Variants in GRIP2 observed in about 807,000 individuals in gnomAD.
GRIP2 encodes the protein glutamate receptor interacting protein 2.
A neutral mutation model predicts 108.3 loss-of-function variants in GRIP2; 58 were observed. The ratio of observed to expected loss-of-function variants is 0.54; its 90% CI spans 0.43 to 0.67. The LOEUF (loss-of-function observed/expected upper bound fraction) is 0.67, where lower values mean the gene tolerates loss of function less well. GRIP2 is among the 30% of genes least tolerant of loss of function. The pLI, the probability that GRIP2 is intolerant of heterozygous loss-of-function variation, is 0.00. For missense variants in GRIP2, 1,278 were observed against 1,430.6 expected (o/e 0.89, Z 1.72); for synonymous variants, 586 against 598.2 (o/e 0.98, Z 0.30).
chr3:14,574,355 C>T, the GRIP2 span: 2 of 971,946 alleles, frequency 2.1e-6, no homozygotes, highest in African/African-American at 1.6e-5. Flanking sequence ...CAGCGATGCG[C>T]TGGTTCCGCC....
At chr3:14,591,398 C>G in the GRIP2 span, among the ~76,000 whole-genome samples, 1 of 152,168 alleles carries the variant, frequency 6.6e-6, no homozygotes, top group African/African-American at 2.4e-5. Context: ...GAAATCCCCA[C>G]TCGGCCACTT....
chr3:14,506,745 C>A, intron 19 of GRIP2, 56 bp downstream of exon 19: 2 of 1,461,134 alleles, frequency 1.4e-6, no homozygotes, highest in Non-Finnish European at 1.8e-6. Context: ...ACAGGCCCAG[C>A]AGCAGGGGCG....
Position 14,510,325 on chromosome 3 carries a change from C to T in GRIP2, c.1934-361G>A, listed in dbSNP as rs112264720. Among the ~76,000 whole-genome samples, 674 of 147,254 alleles carry T rather than the reference C, an allele frequency of 4.6e-3. 5 individuals are homozygous for T. The highest frequency in any genetic ancestry group is 0.016 in the African/African-American group (640 of 40,032). On this transcript the variant is annotated intron_variant, in intron 16 of 23. Transcript: ENST00000621039. ...CTGCCCAGGCTGGAGTGCAATGGCA[C>T]GATCTCAGTTCACTGCCATACCTCT...
At chr3:14,510,250 C>G (rs1294746096) in intron 16 of GRIP2, among the ~76,000 whole-genome samples, 1 of 143,902 alleles carries the variant, frequency 6.9e-6, no homozygotes, top group African/African-American at 2.7e-5. Context: ...GAACCCCGAT[C>G]ATCCGTTGTT....
chr3:14,538,774 T>C (rs1694892971), intron 1 of GRIP2, among the ~76,000 whole-genome samples: 1 of 152,154 alleles, frequency 6.6e-6, no homozygotes. Flanking sequence ...AGCAGATTTG[T>C]GTTTTGGCAA....
the GRIP2 span, chr3:14,573,626 C>T: frequency 6.7e-7 from 1 of 1,500,016 alleles, no homozygotes; most frequent in Non-Finnish European, 9.2e-7. Flanking sequence ...TGCAGCAGGG[C>T]CGTCCTGTGA....
Position 14,490,853 on chromosome 3 carries a change from C to T in GRIP2, c.*2812G>A, listed in dbSNP as rs1326824124. On this transcript the variant is annotated 3_prime_UTR_variant, in exon 24 of 24. Coordinates refer to ENST00000621039, the MANE Select transcript of GRIP2 (RefSeq NM_001080423.4). ...CAAATGTCGCCTCTTGAGAGAAACC[C>T]CTCCTAATATTGTGAGCTAAAGCCC... is the stretch of plus-strand genomic sequence containing the variant. 6.6e-6 allele frequency: 1 copy of T among 152,208 alleles called. No homozygotes were observed. Among genetic ancestry groups the T allele is most frequent in the East Asian group, 1.9e-4 (1 of 5,192 alleles). 9.4% of individuals were successfully genotyped at this position (152,208 alleles called of 1,614,324 possible).
At position 14,509,827 on chromosome 3, in the gene GRIP2, C is replaced by A; in HGVS notation, c.2071G>T (p.Ala691Ser). Residue 691 changes from alanine to serine, a missense_variant, in exon 17 of 24, where the codon GCT (alanine) becomes TCT (serine). By Grantham distance (99) the Ala-to-Ser change is moderately conservative. Transcript: ENST00000621039. ...CACAGAGCCCCAGTTCACCTCTCAG[C>A]CAGGCCACGCTTGGTGAGGCCTGAG... ...VISGLTKRGL[A>S]ERTGAIHVGD... 6.7e-7 allele frequency: 1 copy of A among 1,499,974 alleles called. No homozygotes were observed. Among genetic ancestry groups the A allele is most frequent in the Non-Finnish European group, 8.9e-7 (1 of 1,118,016 alleles). 92.9% of individuals were successfully genotyped at this position (1,499,974 alleles called of 1,614,324 possible).
At chr3:14,594,621 T>A in the GRIP2 span, among the ~76,000 whole-genome samples, 1 of 152,098 alleles carries the variant, frequency 6.6e-6, no homozygotes, top group African/African-American at 2.4e-5. Flanking sequence ...ACTAGGACAA[T>A]CACATCCAAA....
At chr3:14,592,628 C>T in the GRIP2 span, among the ~76,000 whole-genome samples, 2 of 152,144 alleles carry the variant, frequency 1.3e-5, no homozygotes, top group African/African-American at 2.4e-5. Context: ...TTCCCAGCAC[C>T]GGCGGGAGTG....
In GRIP2 at chr3:14,505,780, G is replaced by A. The variant is rs914797283; in HGVS notation, c.2408C>T (p.Thr803Ile). Residue 803 changes from threonine to isoleucine, a missense_variant, in exon 20 of 24, where the codon ACA (threonine) becomes ATA (isoleucine). By Grantham distance (89) the Thr-to-Ile change is moderately conservative (BLOSUM62 -1). Transcript: ENST00000621039. The surrounding 1 kb of genome is among the most constrained non-coding windows in gnomAD (Gnocchi z 4.2). The part of the protein sequence containing the change: ...EGGFGGPGSY[T>I]PQAAARGTTP... Reference sequence around the variant, plus strand: ...CGTGCCCCGGGCTGCTGCCTGTGGTGTATAGGACCCTGGTGGTGGAGAGAG... The same window carrying A: ...CGTGCCCCGGGCTGCTGCCTGTGGTATATAGGACCCTGGTGGTGGAGAGAG... The A allele has an allele frequency of 1.2e-5, 19 of 1,540,818 alleles. No homozygotes were observed. In the African/African-American group the frequency reaches 1.5e-4, roughly 12 times the overall value.
chr3:14,508,416 A>AG (rs1693989269), intron 17 of GRIP2, among the ~76,000 whole-genome samples: 1 of 152,232 alleles, frequency 6.6e-6, no homozygotes, highest in South Asian at 2.1e-4. Context: ...AGGGCTGAGC[A>AG]GGGGAGAAGC....
the GRIP2 span, among the ~76,000 whole-genome samples, chr3:14,598,551 C>T: frequency 5.3e-5 from 8 of 152,074 alleles, no homozygotes; most frequent in East Asian, 1.6e-3. Context: ...TGTTTCTCTG[C>T]CTGGGATGCC....
chr3:14,542,051 C>T (rs1305913774), upstream of GRIP2: 2 of 1,351,492 alleles, frequency 1.5e-6, no homozygotes, highest in African/African-American at 3.0e-5. Flanking sequence ...CCTCCATCTA[C>T]AGCCTCTTCA....
intron 9 of GRIP2, among the ~76,000 whole-genome samples, chr3:14,519,149 G>T (rs1694337865): frequency 6.6e-6 from 1 of 152,194 alleles, no homozygotes; most frequent in African/African-American, 2.4e-5. Context: ...GCTGTTTCAA[G>T]CCCTAATGTC....
the GRIP2 span, among the ~76,000 whole-genome samples, chr3:14,586,582 C>T: frequency 6.6e-6 from 1 of 152,060 alleles, no homozygotes; most frequent in Non-Finnish European, 1.5e-5. Context: ...GGGGAGGCCT[C>T]ATGGAATGTA....
intron 1 of GRIP2, among the ~76,000 whole-genome samples, chr3:14,552,574 C>G (rs1662162998): frequency 6.6e-6 from 1 of 152,072 alleles, no homozygotes. Flanking sequence ...TTCCTCCAAC[C>G]CTACCTATGG....
At chr3:14,526,013 C>T (rs764874443) in intron 1 of GRIP2, 82 bp from the exon 2 acceptor site, 15 of 1,271,574 alleles carry the variant, frequency 1.2e-5, no homozygotes, top group Admixed American at 4.0e-5. Flanking sequence ...GAATTTTCCA[C>T]TCTGTGGACG....
chr3:14,573,497 C>A, the GRIP2 span: 5 of 1,546,366 alleles, frequency 3.2e-6, no homozygotes, highest in Non-Finnish European at 4.5e-6. Context: ...AAGGCAGGAG[C>A]CCACACACAT....
Sources: allele counts gnomAD v4.1 joint callset (sites outside exome capture counted in the v4.1 genomes callset), GRCh38; gene constraint gnomAD v4.1.1; non-coding constraint Gnocchi (gnomAD v3.1); transcripts MANE v1.5; gene names NCBI Gene and HGNC (gene_info 2026-07-23, HGNC 2026-07-21).